LOXL2: variants seen among roughly 807,000 people sequenced by gnomAD.
The protein encoded by LOXL2 is lysyl oxidase like 2, also known as lysyl oxidase homolog 2.
A neutral mutation model predicts 93.0 loss-of-function variants in LOXL2; 70 were observed. The observed-to-expected ratio is 0.75, with a 90% CI of 0.62 to 0.92. The LOEUF is 0.92. Among genes scored for constraint, LOXL2 ranks in the 40% least tolerant of loss-of-function variants. LOXL2 has a pLI of 0.00. For synonymous variants in LOXL2, 438 were observed against 413.2 expected, an observed-to-expected ratio of 1.06 and a Z score of -0.73; for missense variants, 973 against 1,054.9, an observed-to-expected ratio of 0.92 and a Z score of 1.08.
At chr8:23,348,428 G>T (rs1274603211) in intron 3 of LOXL2, among the ~76,000 whole-genome samples, 3 of 141,098 alleles carry the variant, frequency 2.1e-5, no homozygotes, top group Non-Finnish European at 4.5e-5. Flanking sequence ...AATTAGCTGG[G>T]CACGGTGGCA....
chr8:23,358,079 G>A (rs1188826517), intron 3 of LOXL2, among the ~76,000 whole-genome samples: 1 of 152,212 alleles, frequency 6.6e-6, no homozygotes, highest in Non-Finnish European at 1.5e-5. Flanking sequence ...TTGCTCATGA[G>A]GTTATAAGGA....
intron 1 of LOXL2, among the ~76,000 whole-genome samples, chr8:23,371,493 C>G (rs1224153724): frequency 6.6e-6 from 1 of 152,050 alleles, no homozygotes; most frequent in Non-Finnish European, 1.5e-5. Context: ...TGGCTCACGC[C>G]TGTAATCCCA....
At chr8:23,314,866 AAC>A (rs1803369724) in intron 9 of LOXL2, among the ~76,000 whole-genome samples, 1 of 112,584 alleles carries the variant, frequency 8.9e-6, no homozygotes, top group Non-Finnish European at 1.7e-5. Context: ...AAAGGAGAAA[AAC>A]AACAACAAAA....
intron 10 of LOXL2, among the ~76,000 whole-genome samples, chr8:23,306,895 G>A (rs1803238318): frequency 6.6e-6 from 1 of 152,240 alleles, no homozygotes. Flanking sequence ...CCATCGGCCA[G>A]GGCACAGTGC....
chr8:23,306,902 G>C (rs1803238342), intron 10 of LOXL2, among the ~76,000 whole-genome samples: 1 of 152,266 alleles, frequency 6.6e-6, no homozygotes, highest in South Asian at 2.1e-4. Flanking sequence ...CCAGGGCACA[G>C]TGCACATGAG....
intron 3 of LOXL2, among the ~76,000 whole-genome samples, chr8:23,342,455 G>C (rs1290655345): frequency 6.8e-6 from 1 of 146,560 alleles, no homozygotes; most frequent in Non-Finnish European, 1.5e-5. Context: ...TTTTTGAGAC[G>C]GAGTCTCGCT....
chr8:23,381,307 G>A (rs564430508), intron 1 of LOXL2, among the ~76,000 whole-genome samples: 2 of 152,132 alleles, frequency 1.3e-5, no homozygotes, highest in Non-Finnish European at 2.9e-5. Flanking sequence ...TGTTGTAGCT[G>A]AAACTTGGCA....
At chr8:23,341,402 G>A (rs1210308237) in intron 3 of LOXL2, 199 bp from the exon 4 acceptor site, 2 of 600,354 alleles carry the variant, frequency 3.3e-6, no homozygotes, top group African/African-American at 3.7e-5. Context: ...ATGCATGGGA[G>A]ATAGTGAGGC....
At chr8:23,304,329 AG>A (rs1803192275) in intron 10 of LOXL2, among the ~76,000 whole-genome samples, 2 of 152,244 alleles carry the variant, frequency 1.3e-5, no homozygotes, top group South Asian at 4.1e-4. Context: ...AGAATAAACA[AG>A]GGAAACGGGG....
At chr8:23,381,847 C>T (rs1399627954) in intron 1 of LOXL2, among the ~76,000 whole-genome samples, 1 of 152,230 alleles carries the variant, frequency 6.6e-6, no homozygotes, top group Admixed American at 6.5e-5. Flanking sequence ...ACATTGCTCA[C>T]ACGTAACTGG....
chr8:23,395,334 A>C (rs1335501895), intron 1 of LOXL2, among the ~76,000 whole-genome samples: 1 of 151,710 alleles, frequency 6.6e-6, no homozygotes, highest in African/African-American at 2.4e-5. Flanking sequence ...AAAAAAAAAA[A>C]ACCACATATT....
rs189971466 is a variant in LOXL2 at position 23,342,466 on chromosome 8, C to G, written c.532-1263G>C. ...TTTTTTTTTGAGACGGAGTCTCGCT[C>G]TGTCGCCCAGGCTGGAGTACAGTGG... On this transcript the variant is annotated intron_variant, in intron 3 of 13. Coordinates refer to ENST00000389131, the MANE Select transcript of LOXL2 (RefSeq NM_002318.3). 2.8e-3 allele frequency among the ~76,000 whole-genome samples: 424 copies of G among 149,260 alleles called. 3 individuals carry two copies. Among genetic ancestry groups the G allele is most frequent in the Non-Finnish European group, 5.0e-3 (338 of 67,566 alleles).
At chr8:23,352,525 T>C (rs1804111197) in intron 3 of LOXL2, among the ~76,000 whole-genome samples, 1 of 152,120 alleles carries the variant, frequency 6.6e-6, no homozygotes, top group African/African-American at 2.4e-5. Context: ...CTAGAGACCT[T>C]TCCCTTTTAG....
intron 9 of LOXL2, among the ~76,000 whole-genome samples, chr8:23,314,835 A>AC: frequency 7.0e-6 from 1 of 143,468 alleles, no homozygotes; most frequent in East Asian, 1.9e-4. Context: ...GAAAAAAGAA[A>AC]AAAATAAAAA....
chr8:23,368,693 G>T (rs1411639578), intron 1 of LOXL2, among the ~76,000 whole-genome samples: 1 of 152,146 alleles, frequency 6.6e-6, no homozygotes. Flanking sequence ...TTAATTTAAG[G>T]AGAGTTTTTT....
chr8:23,324,446 G>T (rs900798897), intron 6 of LOXL2, among the ~76,000 whole-genome samples: 1 of 152,188 alleles, frequency 6.6e-6, no homozygotes, highest in African/African-American at 2.4e-5. Flanking sequence ...GTTCCGTGGG[G>T]GGTTGGGCAG....
intron 3 of LOXL2, among the ~76,000 whole-genome samples, chr8:23,344,110 C>G (rs918070572): frequency 3.3e-5 from 5 of 152,198 alleles, no homozygotes; most frequent in Non-Finnish European, 5.9e-5. Flanking sequence ...GCTCAGCAGA[C>G]CCCGCTGGAA....
At chr8:23,304,313 T>C (rs1279245169) in intron 10 of LOXL2, among the ~76,000 whole-genome samples, 1 of 152,234 alleles carries the variant, frequency 6.6e-6, no homozygotes, top group Non-Finnish European at 1.5e-5. Flanking sequence ...GAATAGCCCT[T>C]GTTTCAGAAT....
At position 23,298,951 on chromosome 8, in the gene LOXL2, G is replaced by C. The variant is rs1803083200; in HGVS notation, c.2134-4C>G. ...CGAAGTTGGGGTTAATAACAACCTA[G>C]GGAGAAGCAGGGCAGAGGAGGCTGC... On this transcript the variant is annotated splice_polypyrimidine_tract_variant and splice_region_variant and intron_variant, in intron 12 of 13. Coordinates refer to ENST00000389131, the MANE Select transcript of LOXL2 (RefSeq NM_002318.3). 5.1e-6 allele frequency: 8 copies of C among 1,555,020 alleles called. No individual in the cohort carries two copies. The highest frequency in any genetic ancestry group is 7.1e-6 in the Non-Finnish European group (8 of 1,126,362).
Sources: allele counts gnomAD v4.1 joint callset (sites outside exome capture counted in the v4.1 genomes callset), GRCh38; gene constraint gnomAD v4.1.1; transcripts MANE v1.5; gene names NCBI Gene and HGNC (gene_info 2026-07-23, HGNC 2026-07-21).